ANKRD30BL: variants seen among roughly 807,000 people sequenced by gnomAD.
The protein encoded by ANKRD30BL is ankyrin repeat domain 30B like.
Under a neutral mutation model 18.4 loss-of-function variants are expected in ANKRD30BL, and 20 were observed. The ratio of observed to expected loss-of-function variants is 1.09; its 90% CI spans 0.77 to 1.58. The LOEUF is 1.58. Ranked by LOEUF, ANKRD30BL falls within the 40% of genes most tolerant of loss-of-function variation. The pLI is 0.00. For missense variants in ANKRD30BL, 224 were observed against 268.6 expected (o/e 0.83, Z 1.16); for synonymous variants, 72 against 100.9 (o/e 0.71, Z 1.72).
chr2:132,166,576 G>A (rs1688191148), upstream of ANKRD30BL, among the ~76,000 whole-genome samples: 1 of 152,144 alleles, frequency 6.6e-6, no homozygotes, highest in South Asian at 2.1e-4. Flanking sequence ...TATTGAACTT[G>A]TGAGTATAGA....
rs1558918321 is a variant in ANKRD30BL, at chr2:132,169,719, G to A, written n.442-12573C>T. Among the ~76,000 whole-genome samples the A allele has an allele frequency of 4.0e-5, 6 of 151,080 alleles. No individual in the cohort carries two copies. In the South Asian group the frequency reaches 1.3e-3, roughly 32 times the overall value. On this transcript the variant is annotated intron_variant and non_coding_transcript_variant, in intron 1 of 4. Transcript: ENST00000470729. Reference sequence around the variant, plus strand: ...ACATTTAACTCACAGATTAGAGACTGTAATAGGAAATTGCAGAGGTATATG... The same window carrying A: ...ACATTTAACTCACAGATTAGAGACTATAATAGGAAATTGCAGAGGTATATG...
chr2:132,170,728 G>C (rs1688263330), intron 1 of ANKRD30BL, among the ~76,000 whole-genome samples: 1 of 152,214 alleles, frequency 6.6e-6, no homozygotes, highest in Non-Finnish European at 1.5e-5. Context: ...AGTGTTTTCA[G>C]AAGGCCATGA....
chr2:132,194,075 T>TCACA (rs950673271), intron 1 of ANKRD30BL, among the ~76,000 whole-genome samples: 2 of 139,300 alleles, frequency 1.4e-5, no homozygotes, highest in East Asian at 2.1e-4. Flanking sequence ...ACACACACAC[T>TCACA]CACACACACA....
chr2:132,207,182 G>A (rs1409973620), intron 1 of ANKRD30BL, among the ~76,000 whole-genome samples: 4 of 151,974 alleles, frequency 2.6e-5, no homozygotes, highest in Admixed American at 2.0e-4. Context: ...ACAAAAGGAG[G>A]GGAGCCGCTT....
chr2:132,242,947 G>C (rs1558736997), intron 1 of ANKRD30BL, among the ~76,000 whole-genome samples: 1 of 151,826 alleles, frequency 6.6e-6, no homozygotes, highest in Admixed American at 6.6e-5. Context: ...TCAACTCGCA[G>C]AGTTAAATCT....
Position 132,161,770 on chromosome 2 carries a change from G to A in ANKRD30BL, c.-65C>T. On this transcript the variant is annotated 5_prime_UTR_variant, in exon 1 of 6. Coordinates refer to ENST00000409867, the MANE Select transcript of ANKRD30BL (RefSeq NM_001358416.1). ...TGCTCGCCCTTCCCCAGTCCCCGCC[G>A]CTCGCCCTCGCCCTTCTTCAGTCCC... is the stretch of plus-strand genomic sequence containing the variant. 6 of 741,946 alleles carry A rather than the reference G, an allele frequency of 8.1e-6. No individual in the cohort carries two copies. The South Asian group carries it at 8.4e-5, about 10-fold the overall frequency. 46.0% of individuals were successfully genotyped at this position (741,946 alleles called of 1,614,324 possible).
intron 1 of ANKRD30BL, among the ~76,000 whole-genome samples, chr2:132,240,244 T>C (rs1332261714): frequency 6.6e-6 from 1 of 151,894 alleles, no homozygotes; most frequent in Non-Finnish European, 1.5e-5. Context: ...ATAGAGCAGA[T>C]TTGAAACACT....
intron 1 of ANKRD30BL, among the ~76,000 whole-genome samples, chr2:132,255,238 C>T (rs1415433994): frequency 6.6e-6 from 1 of 152,054 alleles, no homozygotes; most frequent in African/African-American, 2.4e-5. Context: ...ACTGCCAGTC[C>T]AAGAATTTCA....
intron 1 of ANKRD30BL, among the ~76,000 whole-genome samples, chr2:132,173,760 A>T (rs993252077): frequency 1.3e-5 from 2 of 152,144 alleles, no homozygotes; most frequent in Non-Finnish European, 1.5e-5. Flanking sequence ...TTGTATTTGT[A>T]TGTGAGTTTT....
chr2:132,200,873 C>A (rs1292147801), intron 1 of ANKRD30BL, among the ~76,000 whole-genome samples: 1 of 152,206 alleles, frequency 6.6e-6, no homozygotes, highest in Non-Finnish European at 1.5e-5. Flanking sequence ...CTGGAGGCAT[C>A]ACACTACCTG....
At chr2:132,198,312 CTTTCTTTCTTTCTTTTT>C (rs1679013384) in intron 1 of ANKRD30BL, among the ~76,000 whole-genome samples, 2 of 12,226 alleles carry the variant, frequency 1.6e-4, no homozygotes, top group African/African-American at 4.5e-4. Context: ...TTCTTTCTTT[CTTTCTTTCTTTCTTTTT>C]TTTTTTTTTT....
chr2:132,221,038 C>A (rs1162184301), intron 1 of ANKRD30BL, among the ~76,000 whole-genome samples: 1 of 140,532 alleles, frequency 7.1e-6, no homozygotes, highest in Non-Finnish European at 1.5e-5. Context: ...GTGAGGAGCG[C>A]CTCTGCCCGG....
chr2:132,220,722 ACCT>A (rs1318168577), intron 1 of ANKRD30BL, among the ~76,000 whole-genome samples: 1 of 149,436 alleles, frequency 6.7e-6, no homozygotes, highest in Non-Finnish European at 1.5e-5. Flanking sequence ...TACAACCTCC[ACCT>A]CCCAGCCGCC....
chr2:132,255,025 C>T (rs1680785654), intron 1 of ANKRD30BL, among the ~76,000 whole-genome samples: 1 of 152,216 alleles, frequency 6.6e-6, no homozygotes, highest in African/African-American at 2.4e-5. Flanking sequence ...TTCAGCTTTG[C>T]AACCATACTC....
chr2:132,197,133 TC>T (rs1678985539), intron 1 of ANKRD30BL, among the ~76,000 whole-genome samples: 1 of 152,286 alleles, frequency 6.6e-6, no homozygotes, highest in Non-Finnish European at 1.5e-5. Flanking sequence ...GGCAATGCCT[TC>T]ACTATTTGTA....
intron 4 of ANKRD30BL, among the ~76,000 whole-genome samples, chr2:132,154,258 C>T (rs2104921451): frequency 1.3e-5 from 2 of 152,160 alleles, no homozygotes; most frequent in East Asian, 3.9e-4. Flanking sequence ...AGCTACCATG[C>T]CCAGCAAATA....
intron 1 of ANKRD30BL, among the ~76,000 whole-genome samples, chr2:132,244,680 G>A (rs1051762230): frequency 3.3e-5 from 5 of 152,398 alleles, no homozygotes; most frequent in Non-Finnish European, 5.9e-5. Context: ...TGATAGAGAA[G>A]TTTTTAAACA....
intron 1 of ANKRD30BL, among the ~76,000 whole-genome samples, chr2:132,194,312 G>A (rs1678921667): frequency 6.6e-6 from 1 of 152,192 alleles, no homozygotes; most frequent in Non-Finnish European, 1.5e-5. Flanking sequence ...GGTGGGGTTA[G>A]GAGGTGGGGG....
At position 132,229,221 on chromosome 2, in the gene ANKRD30BL, G is replaced by T. The variant is rs540373263; in HGVS notation, n.441+28308C>A. 9.3e-3 allele frequency among the ~76,000 whole-genome samples: 1,410 copies of T among 152,158 alleles called. 24 individuals carry two copies. Among genetic ancestry groups the T allele is most frequent in the African/African-American group, 0.031 (1,306 of 41,528 alleles). The stretch of plus-strand genomic sequence containing the variant: ...GGACCAGTTTTGAAATACTCTTTTT[G>T]TAGAATCTGCAAGTGGACCTTTCGA... On this transcript the variant is annotated intron_variant and non_coding_transcript_variant, in intron 1 of 4. Transcript: ENST00000470729.
Sources: allele counts gnomAD v4.1 joint callset (sites outside exome capture counted in the v4.1 genomes callset), GRCh38; gene constraint gnomAD v4.1.1; transcripts MANE v1.5; gene names NCBI Gene and HGNC (gene_info 2026-07-23, HGNC 2026-07-21).